Variants in ROBO2 observed in about 807,000 individuals in gnomAD.
ROBO2 encodes roundabout guidance receptor 2.
A neutral mutation model predicts 160.8 loss-of-function variants in ROBO2; 53 were observed. The ratio of observed to expected loss-of-function variants is 0.33; its 90% CI spans 0.26 to 0.41. ROBO2 has a LOEUF of 0.41. ROBO2 is among the 10% of genes least tolerant of loss of function. The pLI, the probability that ROBO2 is intolerant of heterozygous loss-of-function variation, is 1.00. For synonymous variants in ROBO2, 664 were observed against 611.7 expected (o/e 1.09, Z -1.26); for missense variants, 1,577 against 1,722.4 (o/e 0.92, Z 1.49).
chr3:76,389,532 C>G (rs1167780838), intron 2 of ROBO2, among the ~76,000 whole-genome samples: 4 of 152,120 alleles, frequency 2.6e-5, no homozygotes, highest in Non-Finnish European at 5.9e-5. Context: ...TGCATTTTCT[C>G]CAAATATATG....
At chr3:77,563,706 C>G (rs1358736625) in intron 11 of ROBO2, among the ~76,000 whole-genome samples, 1 of 152,026 alleles carries the variant, frequency 6.6e-6, no homozygotes, top group Non-Finnish European at 1.5e-5. Flanking sequence ...TTTATTGAAG[C>G]AGAGGACTCT....
chr3:77,180,416 C>CTCTATATATATATATATATATATATA (rs1433740534), intron 2 of ROBO2, among the ~76,000 whole-genome samples: 19 of 90,724 alleles, frequency 2.1e-4, no homozygotes, highest in Non-Finnish European at 3.2e-4. Flanking sequence ...CTCTCTCTCT[C>CTCTATATATATATATATATATATATA]TATATATATA....
intron 19 of ROBO2, among the ~76,000 whole-genome samples, chr3:77,601,421 A>T (rs2094427587): frequency 6.6e-6 from 1 of 152,216 alleles, no homozygotes; most frequent in African/African-American, 2.4e-5. Flanking sequence ...GCAGTTCTGA[A>T]TTATAAAGCA....
chr3:77,338,812 T>G, intron 2 of ROBO2, among the ~76,000 whole-genome samples: 1 of 152,172 alleles, frequency 6.6e-6, no homozygotes, highest in East Asian at 1.9e-4. Context: ...TAGCTATTGC[T>G]TTTTCTATTG....
At chr3:76,583,672 G>A (rs148167603) in intron 2 of ROBO2, among the ~76,000 whole-genome samples, 1,594 of 152,118 alleles carry the variant, frequency 0.01, 10 homozygotes, top group South Asian at 0.026. Flanking sequence ...GTTTTCCACT[G>A]AGTCTATCTG....
At chr3:76,495,892 A>C (rs1187766143) in intron 2 of ROBO2, among the ~76,000 whole-genome samples, 2 of 152,166 alleles carry the variant, frequency 1.3e-5, no homozygotes, top group African/African-American at 2.4e-5. Flanking sequence ...TTATGTTTCT[A>C]TGGAAGTGGA....
intron 2 of ROBO2, among the ~76,000 whole-genome samples, chr3:77,423,607 C>T (rs2077912983): frequency 6.6e-6 from 1 of 152,104 alleles, no homozygotes; most frequent in African/African-American, 2.4e-5. Flanking sequence ...TTTTTTCTGA[C>T]AGGAACACTT....
chr3:77,634,637 T>C, intron 23 of ROBO2: 1 of 516,498 alleles, frequency 1.9e-6, no homozygotes, highest in Non-Finnish European at 3.5e-6. Flanking sequence ...TGTTCATTTG[T>C]TTGATTTTGA....
At chr3:77,335,456 C>A (rs1361720561) in intron 2 of ROBO2, among the ~76,000 whole-genome samples, 1 of 152,162 alleles carries the variant, frequency 6.6e-6, no homozygotes, top group Non-Finnish European at 1.5e-5. Flanking sequence ...TCTGTATGTT[C>A]ATCTATAGCC....
chr3:76,781,448 T>C (rs1005051027), intron 2 of ROBO2, among the ~76,000 whole-genome samples: 1 of 150,778 alleles, frequency 6.6e-6, no homozygotes, highest in African/African-American at 2.4e-5. Flanking sequence ...TACTACGTTG[T>C]TTAGAAATGA....
chr3:77,583,152 CAAAAAAAAAAA>C (rs56827523), intron 16 of ROBO2, among the ~76,000 whole-genome samples: 3 of 53,770 alleles, frequency 5.6e-5, no homozygotes, highest in Admixed American at 4.3e-4. Flanking sequence ...TCTGTCTCTC[CAAAAAAAAAAA>C]AAAAAAAAAA....
rs370606809 is a variant in ROBO2, at chr3:77,253,846, T to C, written c.388+155506T>C. 4.6e-5 allele frequency among the ~76,000 whole-genome samples: 7 copies of C among 152,178 alleles called. No homozygotes were observed. In the East Asian group the frequency reaches 1.3e-3, roughly 29 times the overall value. On this transcript the variant is annotated intron_variant, in intron 2 of 25. Coordinates refer to ENST00000461745, the Ensembl canonical transcript of ROBO2. ...GAGGTAAAGAAATGACCTAGAATTA[T>C]GAATATAAACTGATATTATTTACGA...
intron 2 of ROBO2, among the ~76,000 whole-genome samples, chr3:76,950,200 A>C (rs562038516): frequency 6.6e-6 from 1 of 152,262 alleles, no homozygotes; most frequent in East Asian, 1.9e-4. Flanking sequence ...TTTTCATGTC[A>C]ATATTTGTTC....
chr3:76,564,077 G>A (rs1432659690), intron 2 of ROBO2, among the ~76,000 whole-genome samples: 1 of 152,096 alleles, frequency 6.6e-6, no homozygotes, highest in Admixed American at 6.6e-5. Context: ...ATGGTGGCAG[G>A]TGCCTGTAAT....
At chr3:76,661,464 C>T (rs2091816291) in intron 2 of ROBO2, among the ~76,000 whole-genome samples, 1 of 152,092 alleles carries the variant, frequency 6.6e-6, no homozygotes, top group Admixed American at 6.6e-5. Context: ...AGTATGTACT[C>T]AAGATGGTCA....
intron 2 of ROBO2, among the ~76,000 whole-genome samples, chr3:77,292,876 T>G (rs2061484959): frequency 7.3e-6 from 1 of 136,922 alleles, no homozygotes; most frequent in Admixed American, 7.4e-5. Context: ...AGACATAAAG[T>G]AAAATTGACG....
intron 2 of ROBO2, among the ~76,000 whole-genome samples, chr3:77,162,219 A>G (rs1305964190): frequency 2.0e-5 from 3 of 152,192 alleles, no homozygotes; most frequent in Admixed American, 1.3e-4. Context: ...ACAGCTTAAG[A>G]ACAAATATTA....
intron 2 of ROBO2, among the ~76,000 whole-genome samples, chr3:76,487,001 G>A (rs759741504): frequency 3.3e-5 from 5 of 152,044 alleles, no homozygotes; most frequent in African/African-American, 7.2e-5. Context: ...ACAGGGTCTC[G>A]CTTTGTCCCC....
intron 2 of ROBO2, among the ~76,000 whole-genome samples, chr3:76,488,728 T>C (rs1277811571): frequency 6.6e-6 from 1 of 151,978 alleles, no homozygotes; most frequent in Non-Finnish European, 1.5e-5. Flanking sequence ...TTGGAGGCCA[T>C]TTGAGAATTC....
Sources: gnomAD v4.1 joint callset for allele counts (sites outside exome capture counted in the v4.1 genomes callset) on GRCh38, gnomAD v4.1.1 for gene constraint, MANE v1.5 for transcripts, NCBI Gene and HGNC (gene_info 2026-07-23, HGNC 2026-07-21) for gene names.